ADCY1: variants seen among roughly 807,000 people sequenced by gnomAD.
The protein encoded by ADCY1 is adenylate cyclase type 1.
A neutral mutation model predicts 105.4 loss-of-function variants in ADCY1; 28 were observed. That is an observed-to-expected ratio of 0.27 (90% CI 0.20 to 0.36). ADCY1 has a LOEUF of 0.36. Ranked by LOEUF, ADCY1 falls within the 10% of genes least tolerant of loss-of-function variation. The pLI is 1.00. For missense variants in ADCY1, 977 were observed against 1,434.2 expected (o/e 0.68, Z 5.15); for synonymous variants, 655 against 623.8 (o/e 1.05, Z -0.75).
intron 2 of ADCY1, among the ~76,000 whole-genome samples, chr7:45,608,542 C>G (rs1440302246): frequency 6.6e-6 from 1 of 152,202 alleles, no homozygotes. Context: ...CTTGCAGCAC[C>G]CTGTGCCACG....
chr7:45,706,512 A>G lies in ADCY1; in HGVS notation c.2818-1838A>G, dbSNP rs2471272. Among the ~76,000 whole-genome samples, 478 of 135,484 alleles carry G rather than the reference A, an allele frequency of 3.5e-3. 24 individuals carry two copies. Among genetic ancestry groups the G allele is most frequent in the East Asian group, 0.013 (62 of 4,612 alleles). The allele number at this position is 135,484 out of a possible 152,430, so 88.9% of individuals were successfully genotyped here. On this transcript the variant is annotated intron_variant, in intron 17 of 19. Coordinates refer to ENST00000297323, the MANE Select transcript of ADCY1 (RefSeq NM_021116.4). ...ACATGCAAAAAAAAAAAAAAAAAAA[A>G]AGAATATAGATGCAGACTTTACACC...
At chr7:45,635,644 T>C (rs1794384285) in intron 4 of ADCY1, among the ~76,000 whole-genome samples, 2 of 145,844 alleles carry the variant, frequency 1.4e-5, no homozygotes, top group South Asian at 4.5e-4. Flanking sequence ...ACCCATGGGT[T>C]ATTTAGAGAT....
At chr7:45,611,950 C>T (rs921928037) in intron 3 of ADCY1, among the ~76,000 whole-genome samples, 1 of 152,184 alleles carries the variant, frequency 6.6e-6, no homozygotes, top group African/African-American at 2.4e-5. Flanking sequence ...GCACCACAGA[C>T]TGGGTCCCTG....
At chr7:45,576,970 T>C (rs1055217638) in intron 1 of ADCY1, among the ~76,000 whole-genome samples, 1 of 152,174 alleles carries the variant, frequency 6.6e-6, no homozygotes, top group Admixed American at 6.5e-5. Context: ...TCATTTCTTT[T>C]AGAGAATTAA....
At chr7:45,599,244 G>C (rs535987433) in intron 2 of ADCY1, among the ~76,000 whole-genome samples, 1 of 152,184 alleles carries the variant, frequency 6.6e-6, no homozygotes, top group South Asian at 2.1e-4. Context: ...TTGAATGCCA[G>C]CATCTCTTCT....
At chr7:45,677,104 G>A (rs543622494) in intron 8 of ADCY1, among the ~76,000 whole-genome samples, 1 of 152,106 alleles carries the variant, frequency 6.6e-6, no homozygotes, top group African/African-American at 2.4e-5. Flanking sequence ...AGGTCCCTGC[G>A]ATCACCCTCT....
intron 1 of ADCY1, among the ~76,000 whole-genome samples, chr7:45,587,274 A>G (rs889348086): frequency 6.6e-6 from 1 of 152,158 alleles, no homozygotes; most frequent in African/African-American, 2.4e-5. Flanking sequence ...GTGTGCTTCC[A>G]TGTATGTGCA....
At chr7:45,648,029 G>A (rs896625165) in intron 4 of ADCY1, among the ~76,000 whole-genome samples, 2 of 152,202 alleles carry the variant, frequency 1.3e-5, no homozygotes, top group African/African-American at 4.8e-5. Flanking sequence ...GACAATACAG[G>A]GTCTTAGAGT....
At chr7:45,626,773 A>G (rs1269940531) in intron 4 of ADCY1, among the ~76,000 whole-genome samples, 2 of 152,228 alleles carry the variant, frequency 1.3e-5, no homozygotes, top group Non-Finnish European at 2.9e-5. Flanking sequence ...CCTTGACCAC[A>G]TGGGAGCAGA....
chr7:45,641,612 C>G (rs7807265), intron 4 of ADCY1, among the ~76,000 whole-genome samples: 2 of 151,944 alleles, frequency 1.3e-5, no homozygotes, highest in African/African-American at 4.8e-5. Context: ...AGTCTGGGCT[C>G]GGTTCACCCT....
At chr7:45,700,541 G>A (rs1401449323) in intron 14 of ADCY1, among the ~76,000 whole-genome samples, 1 of 152,242 alleles carries the variant, frequency 6.6e-6, no homozygotes, top group Non-Finnish European at 1.5e-5. Flanking sequence ...AAAGAGGGGT[G>A]TGTGCACCTC....
intron 4 of ADCY1, among the ~76,000 whole-genome samples, chr7:45,646,555 T>C (rs948058405): frequency 6.6e-6 from 1 of 152,208 alleles, no homozygotes; most frequent in African/African-American, 2.4e-5. Context: ...TCACTGGTCC[T>C]CCAAGCAGGC....
intron 3 of ADCY1, among the ~76,000 whole-genome samples, chr7:45,612,129 C>T (rs758833934): frequency 4.6e-5 from 7 of 152,118 alleles, no homozygotes; most frequent in Admixed American, 2.6e-4. Flanking sequence ...TAAGTAAGGA[C>T]CAGTGTTGTC....
intron 1 of ADCY1, among the ~76,000 whole-genome samples, chr7:45,592,024 A>C (rs1408825245): frequency 2.0e-5 from 3 of 151,412 alleles, no homozygotes; most frequent in Admixed American, 2.0e-4. Flanking sequence ...TGTGTCCCCA[A>C]ATCAACATCT....
intron 1 of ADCY1, among the ~76,000 whole-genome samples, chr7:45,585,422 C>A (rs1792688981): frequency 6.6e-6 from 1 of 150,682 alleles, no homozygotes; most frequent in Admixed American, 6.6e-5. Flanking sequence ...TGGCAGGGTC[C>A]CATTGGGTGG....
At chr7:45,659,297 T>A (rs750454563) in intron 6 of ADCY1, among the ~76,000 whole-genome samples, 22 of 152,160 alleles carry the variant, frequency 1.4e-4, no homozygotes, top group Non-Finnish European at 2.5e-4. Flanking sequence ...TAATTATGAA[T>A]CCCAAGCTTT....
chr7:45,588,011 C>T (rs1007807542), intron 1 of ADCY1, among the ~76,000 whole-genome samples: 11 of 152,140 alleles, frequency 7.2e-5, no homozygotes, highest in African/African-American at 1.9e-4. Flanking sequence ...TTCTTGAAGG[C>T]GGAGTAGCTA....
Position 45,721,839 on chromosome 7 carries a change from C to T in ADCY1, c.*7844C>T, listed in dbSNP as rs1394995876. On this transcript the variant is annotated 3_prime_UTR_variant, in exon 20 of 20. Coordinates refer to ENST00000297323, the MANE Select transcript of ADCY1 (RefSeq NM_021116.4). ...TCCTGCTGGTACCGGGCGGTTCAGACCTTCAAATAGGTTGCTTTCAAAAGA... is the reference window on the plus strand; with the variant it reads ...TCCTGCTGGTACCGGGCGGTTCAGATCTTCAAATAGGTTGCTTTCAAAAGA... 1 of 398,480 alleles carries T rather than the reference C, an allele frequency of 2.5e-6. No homozygotes were observed. Among genetic ancestry groups the T allele is most frequent in the Non-Finnish European group, 4.4e-6 (1 of 226,086 alleles). The allele number at this position is 398,480 out of a possible 1,614,324, so 24.7% of individuals were successfully genotyped here.
At chr7:45,626,336 C>T (rs1026320258) in intron 4 of ADCY1, among the ~76,000 whole-genome samples, 7 of 152,202 alleles carry the variant, frequency 4.6e-5, no homozygotes, top group Non-Finnish European at 1.0e-4. Flanking sequence ...CCTGTGTTTG[C>T]CATGTGCCTG....
Sources: gnomAD v4.1 joint callset for allele counts (sites outside exome capture counted in the v4.1 genomes callset) on GRCh38, gnomAD v4.1.1 for gene constraint, MANE v1.5 for transcripts, NCBI Gene and HGNC (gene_info 2026-07-23, HGNC 2026-07-21) for gene names.